The following WDFY3 variants were observed in gnomAD, a reference collection of about 807,000 sequenced individuals.
WDFY3 encodes the protein WD repeat and FYVE domain-containing protein 3.
In WDFY3, 66 loss-of-function variants were observed where a neutral mutation model predicts 409.6. That is an observed-to-expected ratio of 0.16 (90% CI 0.13 to 0.20). The LOEUF is 0.20. Ranked by LOEUF, WDFY3 falls within the 10% of genes least tolerant of loss-of-function variation. WDFY3 has a pLI of 1.00. For synonymous variants in WDFY3, 1,521 were observed against 1,537.1 expected (o/e 0.99, Z 0.25); for missense variants, 3,031 against 4,298.1 (o/e 0.71, Z 8.24).
intron 34 of WDFY3, among the ~76,000 whole-genome samples, chr4:84,755,008 A>G (rs943943115): frequency 6.6e-6 from 1 of 152,188 alleles, no homozygotes; most frequent in African/African-American, 2.4e-5. Flanking sequence ...CAGGAAACTG[A>G]GGCACATAAC....
At chr4:84,737,049 G>T in intron 41 of WDFY3, 135 bp downstream of exon 41, 3 of 875,610 alleles carry the variant, frequency 3.4e-6, no homozygotes, top group Non-Finnish European at 5.0e-6. Flanking sequence ...AATCATTCTA[G>T]AATGGTTGTT....
rs752979401 is a variant in WDFY3, at chr4:84,810,176, G to T, written c.2056C>A (p.His686Asn). The part of the protein sequence containing the change: ...VNQNQVFELL[H>N]TVFCTLTAAM... ...GCAGTCAACGTGCAGAACACAGTGT[G>T]AAGAAGTTCAAACACTTGATTCTGG... The change falls in exon 14 of 68, where the codon CAC becomes AAC. Residue 686 changes from histidine to asparagine, a missense_variant. His to Asn is a moderately conservative substitution (Grantham distance 68). Transcript: ENST00000295888. 6.2e-7 allele frequency: 1 copy of T among 1,614,122 alleles called. No individual in the cohort carries two copies. The highest frequency in any genetic ancestry group is 1.1e-5 in the South Asian group (1 of 91,088).
chr4:84,808,225 C>CAA, intron 15 of WDFY3, 109 bp downstream of exon 15: 4 of 918,762 alleles, frequency 4.4e-6, no homozygotes, highest in Non-Finnish European at 4.8e-6. Context: ...CAAAACAAAA[C>CAA]AAAAAAAAAC....
intron 57 of WDFY3, among the ~76,000 whole-genome samples, chr4:84,696,398 G>C (rs1730150998): frequency 6.6e-6 from 1 of 152,032 alleles, no homozygotes; most frequent in South Asian, 2.1e-4. Context: ...GAGAGTGAGA[G>C]ACAGAGATCA....
chr4:84,703,775 T>A (rs1301177283), intron 55 of WDFY3, among the ~76,000 whole-genome samples: 11 of 152,122 alleles, frequency 7.2e-5, no homozygotes. Context: ...CCACTTCCCA[T>A]CCCCCTTTCT....
chr4:84,801,751 C>T lies in WDFY3; in HGVS notation c.2721G>A (p.Arg907=), dbSNP rs759973897. ...EAGLHARLLQ[R]CSAALADEDH... is the part of the protein sequence containing the mutation. ...CCTCATCAGCCAATGCAGCACTGCA[C>T]CTCTGCAGCAGTCGTGCATGAAGAC... is the stretch of plus-strand genomic sequence containing the variant. Residue 907 remains arginine (R), a synonymous_variant, in exon 17 of 68, where the codon AGG becomes AGA. Coordinates refer to ENST00000295888, the MANE Select transcript of WDFY3 (RefSeq NM_014991.6). 1.9e-6 allele frequency: 3 copies of T among 1,614,000 alleles called. No homozygotes were observed. The highest frequency in any genetic ancestry group is 2.5e-6 in the Non-Finnish European group (3 of 1,180,008).
chr4:84,933,148 T>C (rs1770979049), intron 1 of WDFY3, among the ~76,000 whole-genome samples: 1 of 152,194 alleles, frequency 6.6e-6, no homozygotes, highest in African/African-American at 2.4e-5. Context: ...TTTAATGACA[T>C]TCGCCTTTTC....
chr4:84,704,302 G>A, intron 55 of WDFY3, 36 bp downstream of exon 55: 1 of 1,444,330 alleles, frequency 6.9e-7, no homozygotes, highest in Non-Finnish European at 9.5e-7. Context: ...AAGTAGGCTT[G>A]TATAAAATAG....
At chr4:84,755,237 A>C in intron 34 of WDFY3, 29 bp downstream of exon 34, 8 of 1,601,874 alleles carry the variant, frequency 5.0e-6, no homozygotes, top group Non-Finnish European at 6.8e-6. Context: ...AGGAATTCTC[A>C]ATAGGCCTGG....
In WDFY3 at chr4:84,938,360, T is replaced by C. The variant is rs144595278; in HGVS notation, c.-225-5997A>G. On this transcript the variant is annotated intron_variant, in intron 1 of 67. Transcript: ENST00000295888. ...TTCTTCAAAAGATAATTGATAATGA[T>C]GATAACCTCAAAATATTTTATTAGA... is the stretch of plus-strand genomic sequence containing the variant. 2.7e-3 allele frequency among the ~76,000 whole-genome samples: 409 copies of C among 152,332 alleles called. 4 individuals carry two copies. The highest frequency in any genetic ancestry group is 9.3e-3 in the African/African-American group (387 of 41,578).
intron 8 of WDFY3, among the ~76,000 whole-genome samples, chr4:84,829,812 A>AATAT (rs1384484312): frequency 6.9e-6 from 1 of 145,170 alleles, no homozygotes; most frequent in Non-Finnish European, 1.5e-5. Context: ...ACTGTCTCAA[A>AATAT]ATAAATAAAT....
intron 3 of WDFY3, among the ~76,000 whole-genome samples, chr4:84,866,290 C>T (rs1028842955): frequency 6.6e-6 from 1 of 152,132 alleles, no homozygotes; most frequent in Non-Finnish European, 1.5e-5. Context: ...TATGTGTTGA[C>T]TTCGTAAAGA....
Position 84,705,442 on chromosome 4 carries a change from G to T in WDFY3, c.8287C>A (p.Arg2763=). ...AKPMGAQTDE[R]LAQYKKRYKD... is the part of the protein sequence containing the mutation. ...TACCGCTTCTTATACTGAGCTAATC[G>T]TTCATCTGTTTGTGCTCCCATTGGC... The change falls in exon 54 of 68, where the codon CGA becomes AGA. Residue 2763 remains arginine, a synonymous_variant. Coordinates refer to ENST00000295888, the MANE Select transcript of WDFY3 (RefSeq NM_014991.6). The T allele has an allele frequency of 1.2e-6, 2 of 1,613,964 alleles. No individual in the cohort carries two copies. The highest frequency in any genetic ancestry group is 1.7e-6 in the Non-Finnish European group (2 of 1,179,934).
At chr4:84,827,950 A>G (rs919314739) in intron 9 of WDFY3, among the ~76,000 whole-genome samples, 1 of 152,022 alleles carries the variant, frequency 6.6e-6, no homozygotes, top group Non-Finnish European at 1.5e-5. Flanking sequence ...TACAAAAAAA[A>G]TAAATAAAAT....
At chr4:84,711,572 G>T (rs1732895956) in intron 51 of WDFY3, among the ~76,000 whole-genome samples, 1 of 152,028 alleles carries the variant, frequency 6.6e-6, no homozygotes, top group South Asian at 2.1e-4. Context: ...TAATATACAG[G>T]CCAGGCGCAG....
rs982530967 is a variant in WDFY3, at chr4:84,795,042, C to T, written c.3168-63G>A. On this transcript the variant is annotated intron_variant, in intron 19 of 67. Transcript: ENST00000295888. ...TGACTCCTTCTCTTAACACTGTGCA[C>T]TTACCACAGTGAAATAACTGCCAGT... 1.1e-5 allele frequency: 13 copies of T among 1,153,726 alleles called. No individual in the cohort carries two copies. In the Middle Eastern group the frequency reaches 6.6e-4, roughly 58 times the overall value. 71.5% of individuals were successfully genotyped at this position (1,153,726 alleles called of 1,614,324 possible).
intron 8 of WDFY3, among the ~76,000 whole-genome samples, chr4:84,830,973 G>A (rs940296609): frequency 1.3e-5 from 2 of 152,012 alleles, no homozygotes; most frequent in African/African-American, 4.8e-5. Context: ...TGGATCACAA[G>A]GTCAGGAGTT....
intron 1 of WDFY3, among the ~76,000 whole-genome samples, chr4:84,939,958 T>A (rs559316395): frequency 1.3e-5 from 2 of 152,282 alleles, no homozygotes; most frequent in Admixed American, 6.5e-5. Flanking sequence ...CATACAAATT[T>A]ATGTACATAT....
chr4:84,806,604 G>C (rs1751547778), intron 15 of WDFY3, among the ~76,000 whole-genome samples: 1 of 152,088 alleles, frequency 6.6e-6, no homozygotes, highest in African/African-American at 2.4e-5. Context: ...TCAATAAATA[G>C]AAAGTTCTGA....
Sources: allele counts gnomAD v4.1 joint callset (sites outside exome capture counted in the v4.1 genomes callset), GRCh38; gene constraint gnomAD v4.1.1; transcripts MANE v1.5; gene names NCBI Gene and HGNC (gene_info 2026-07-23, HGNC 2026-07-21).